The following VAV2 variants were observed in gnomAD, a reference collection of about 807,000 sequenced individuals.
VAV2 encodes the protein guanine nucleotide exchange factor VAV2.
VAV2 carries 67 observed loss-of-function variants against 132.5 expected under a neutral mutation model. That is an observed-to-expected ratio of 0.51 (90% CI 0.42 to 0.62). The LOEUF (loss-of-function observed/expected upper bound fraction) is 0.62. VAV2 is among the 20% of genes least tolerant of loss of function. VAV2 has a pLI of 0.00. For missense variants in VAV2, 938 were observed against 1,153.6 expected, an observed-to-expected ratio of 0.81 and a Z score of 2.71; for synonymous variants, 492 against 443.5, an observed-to-expected ratio of 1.11 and a Z score of -1.37.
Position 133,885,270 on chromosome 9 carries a change from G to A in VAV2, c.322-23838C>T, listed in dbSNP as rs947195712. 6.6e-6 allele frequency among the ~76,000 whole-genome samples: 1 copy of A among 152,206 alleles called. No individual in the cohort carries two copies. The highest frequency in any genetic ancestry group is 1.5e-5 in the Non-Finnish European group (1 of 68,036). ...ATGCAGCCCCCGCGGCTGTCTACTTGGTCCATGTCCAGCCGCAGTGGAAGC... is the reference window on the plus strand; with the variant it reads ...ATGCAGCCCCCGCGGCTGTCTACTTAGTCCATGTCCAGCCGCAGTGGAAGC... On this transcript the variant is annotated intron_variant, in intron 2 of 29. Transcript: ENST00000371850. The surrounding 1 kb of genome is among the most constrained non-coding windows in gnomAD (Gnocchi z 5.0).
intron 1 of VAV2, among the ~76,000 whole-genome samples, chr9:133,983,023 G>C (rs1842746704): frequency 6.6e-6 from 1 of 152,192 alleles, no homozygotes; most frequent in Non-Finnish European, 1.5e-5. Context: ...CCTGCTCTAG[G>C]AGAGAGACGG....
intron 1 of VAV2, among the ~76,000 whole-genome samples, chr9:133,989,913 G>A (rs556847069): frequency 6.6e-6 from 1 of 152,238 alleles, no homozygotes. Context: ...CGGGACAGAG[G>A]AGTGGATGGC....
intron 3 of VAV2, among the ~76,000 whole-genome samples, chr9:133,839,085 T>G (rs140746587): frequency 1.3e-5 from 2 of 151,464 alleles, no homozygotes; most frequent in African/African-American, 4.9e-5. Context: ...GATGAATGGC[T>G]AGGTGGGTGC....
At chr9:133,980,362 C>A (rs1195070233) in intron 1 of VAV2, among the ~76,000 whole-genome samples, 1 of 152,212 alleles carries the variant, frequency 6.6e-6, no homozygotes, top group Non-Finnish European at 1.5e-5. Flanking sequence ...CCACCTGGTG[C>A]TGCCCAGAGT....
chr9:133,972,284 C>T (rs773794260), intron 1 of VAV2, among the ~76,000 whole-genome samples: 1 of 152,230 alleles, frequency 6.6e-6, no homozygotes, highest in East Asian at 1.9e-4. Flanking sequence ...CCTCAGCTCC[C>T]GCTAACTAAA....
intron 12 of VAV2, 43 bp from the exon 13 acceptor site, chr9:133,791,912 G>C (rs568502426): frequency 6.6e-7 from 1 of 1,525,078 alleles, no homozygotes; most frequent in African/African-American, 1.4e-5. Context: ...TGCTGGGTGG[G>C]GTGTGTGTGA....
At position 133,836,091 on chromosome 9, in the gene VAV2, T is replaced by C. The variant is rs574130075; in HGVS notation, c.381-1751A>G. Among the ~76,000 whole-genome samples, 5 of 152,336 alleles carry C rather than the reference T, an allele frequency of 3.3e-5. No individual in the cohort carries two copies. In the South Asian group the frequency reaches 1.0e-3, roughly 32 times the overall value. ...GCTCCGTTGCTGAGACAGTGCCATT[T>C]ACGGCCAAGAAGCCCCTCAAGGAAT... On this transcript the variant is annotated intron_variant, in intron 3 of 29. Transcript: ENST00000371850.
rs79456223 is a variant in VAV2 at position 133,855,789 on chromosome 9, C to G, written c.380+5585G>C. 6.3e-3 allele frequency among the ~76,000 whole-genome samples: 954 copies of G among 152,322 alleles called. 7 individuals are homozygous for G. The highest frequency in any genetic ancestry group is 0.021 in the African/African-American group (892 of 41,566). ...TCTGAGAATTCACTTCAAATTGAAGCAGGAAGTTCCAGCTTACTTCCATTT... is the reference window on the plus strand; with the variant it reads ...TCTGAGAATTCACTTCAAATTGAAGGAGGAAGTTCCAGCTTACTTCCATTT... On this transcript the variant is annotated intron_variant, in intron 3 of 29. Coordinates refer to ENST00000371850, the MANE Select transcript of VAV2 (RefSeq NM_001134398.2).
At chr9:133,890,187 G>A (rs1298602656) in intron 2 of VAV2, among the ~76,000 whole-genome samples, 1 of 152,180 alleles carries the variant, frequency 6.6e-6, no homozygotes, top group African/African-American at 2.4e-5. Flanking sequence ...CCTCCACACA[G>A]CCGAGACTCC....
intron 2 of VAV2, among the ~76,000 whole-genome samples, chr9:133,862,894 C>T (rs542789968): frequency 9.9e-5 from 15 of 152,224 alleles, no homozygotes; most frequent in Non-Finnish European, 1.8e-4. Context: ...ACCATAGAGA[C>T]GGCGGGTTCG....
chr9:133,897,626 C>T (rs918966368), intron 2 of VAV2, among the ~76,000 whole-genome samples: 1 of 152,058 alleles, frequency 6.6e-6, no homozygotes, highest in Non-Finnish European at 1.5e-5. Context: ...ACAGGCCCCC[C>T]TCTGGGTGGC....
chr9:133,858,009 G>C (rs1837450005), intron 3 of VAV2, among the ~76,000 whole-genome samples: 1 of 152,234 alleles, frequency 6.6e-6, no homozygotes, highest in African/African-American at 2.4e-5. Context: ...TCTCATGTCT[G>C]CCTATCCTGT....
intron 8 of VAV2, among the ~76,000 whole-genome samples, 161 bp downstream of exon 8, chr9:133,807,097 C>G (rs1835178006): frequency 6.6e-6 from 1 of 152,246 alleles, no homozygotes; most frequent in Non-Finnish European, 1.5e-5. Flanking sequence ...ATCCAAAGAC[C>G]CTGGAGAGAG....
At chr9:133,780,360 C>T (rs1833964928) in intron 20 of VAV2, among the ~76,000 whole-genome samples, 1 of 152,210 alleles carries the variant, frequency 6.6e-6, no homozygotes, top group South Asian at 2.1e-4. Flanking sequence ...ACTCCATCCC[C>T]ACATCAGCTA....
intron 1 of VAV2, among the ~76,000 whole-genome samples, chr9:133,949,087 T>C (rs967368501): frequency 6.6e-6 from 1 of 152,116 alleles, no homozygotes; most frequent in Non-Finnish European, 1.5e-5. Flanking sequence ...GGGAGAAACA[T>C]GCTCCTCCCT....
rs755108526 is a variant in VAV2 at position 133,888,101 on chromosome 9, C to T, written c.322-26669G>A. Among the ~76,000 whole-genome samples, 7 of 152,152 alleles carry T rather than the reference C, an allele frequency of 4.6e-5. 1 individual carries two copies. ...AGCCAGTCACAAAGGACAAATACCA[C>T]GGGACTCCCTACAGGAGGTCCCCGC... On this transcript the variant is annotated intron_variant, in intron 2 of 29. Coordinates refer to ENST00000371850, the MANE Select transcript of VAV2 (RefSeq NM_001134398.2).
At chr9:133,988,983 G>A (rs1046542425) in intron 1 of VAV2, among the ~76,000 whole-genome samples, 2 of 152,106 alleles carry the variant, frequency 1.3e-5, no homozygotes, top group African/African-American at 2.4e-5. Context: ...AGGCCTAGGC[G>A]GGTGGATCAC....
chr9:133,910,592 C>T (rs1169888124), intron 2 of VAV2, among the ~76,000 whole-genome samples: 1 of 150,754 alleles, frequency 6.6e-6, no homozygotes, highest in Admixed American at 6.6e-5. Flanking sequence ...CGGCGGATCA[C>T]GAGGTCAGGA....
chr9:133,776,571 C>G (rs990688033), intron 23 of VAV2, among the ~76,000 whole-genome samples: 18 of 152,166 alleles, frequency 1.2e-4, no homozygotes, highest in African/African-American at 3.6e-4. Context: ...GAGACTACCT[C>G]TTCCCTCGCA....
Sources: allele counts gnomAD v4.1 joint callset (sites outside exome capture counted in the v4.1 genomes callset), GRCh38; gene constraint gnomAD v4.1.1; non-coding constraint Gnocchi (gnomAD v3.1); transcripts MANE v1.5; gene names NCBI Gene and HGNC (gene_info 2026-07-23, HGNC 2026-07-21).